CCDC3: variants seen among roughly 807,000 people sequenced by gnomAD.
CCDC3 encodes the protein coiled-coil domain containing 3.
A neutral mutation model predicts 21.4 loss-of-function variants in CCDC3; 24 were observed. That is an observed-to-expected ratio of 1.12 (90% CI 0.81 to 1.58). CCDC3 has a LOEUF of 1.58. CCDC3 is among the 40% of genes most tolerant of loss of function. The pLI is 0.00. For missense variants in CCDC3, 425 were observed against 360.9 expected, an observed-to-expected ratio of 1.18 and a Z score of -1.44; for synonymous variants, 186 against 166.0, an observed-to-expected ratio of 1.12 and a Z score of -0.93.
At chr10:13,071,404 G>C (rs1447591817) in intron 4 of CCDC3, among the ~76,000 whole-genome samples, 1 of 152,216 alleles carries the variant, frequency 6.6e-6, no homozygotes, top group African/African-American at 2.4e-5. Flanking sequence ...GATAATGGCA[G>C]TTAAAAGACA....
chr10:13,013,243 G>C (rs1836005043), intron 5 of CCDC3, among the ~76,000 whole-genome samples: 1 of 152,162 alleles, frequency 6.6e-6, no homozygotes, highest in African/African-American at 2.4e-5. Context: ...CCATTAAAAA[G>C]AACCAGGACT....
chr10:13,046,658 G>C (rs1674990972), intron 5 of CCDC3, among the ~76,000 whole-genome samples: 1 of 150,534 alleles, frequency 6.6e-6, no homozygotes, highest in Admixed American at 6.7e-5. Flanking sequence ...AGTAAGCTGA[G>C]ACCGGGCCAT....
intron 2 of CCDC3, among the ~76,000 whole-genome samples, chr10:12,987,648 G>C (rs942406843): frequency 9.2e-5 from 14 of 151,998 alleles, no homozygotes; most frequent in African/African-American, 3.4e-4. Flanking sequence ...TTTTCAACTA[G>C]GTATGTTATT....
At chr10:13,037,814 A>T (rs1472795660) in intron 5 of CCDC3, among the ~76,000 whole-genome samples, 1 of 152,090 alleles carries the variant, frequency 6.6e-6, no homozygotes, top group African/African-American at 2.4e-5. Flanking sequence ...TAAAACAAAG[A>T]TTTCCAGAGG....
chr10:12,907,154 G>A (rs1834185789), intron 2 of CCDC3, among the ~76,000 whole-genome samples: 1 of 152,128 alleles, frequency 6.6e-6, no homozygotes, highest in African/African-American at 2.4e-5. Flanking sequence ...GAACACAAGG[G>A]CTCCATCTTT....
At chr10:12,968,897 A>G (rs2131262919) in intron 2 of CCDC3, among the ~76,000 whole-genome samples, 1 of 152,356 alleles carries the variant, frequency 6.6e-6, no homozygotes, top group South Asian at 2.1e-4. Flanking sequence ...GCAAACTATG[A>G]GAGAAAATCA....
intron 5 of CCDC3, among the ~76,000 whole-genome samples, chr10:13,026,152 C>T (rs2131407966): frequency 6.6e-6 from 1 of 152,108 alleles, no homozygotes; most frequent in East Asian, 1.9e-4. Context: ...TGTACTCCAG[C>T]CTGTGTGACA....
At chr10:13,024,118 C>G (rs1007714262) in intron 5 of CCDC3, among the ~76,000 whole-genome samples, 10 of 152,074 alleles carry the variant, frequency 6.6e-5, no homozygotes, top group African/African-American at 2.4e-4. Flanking sequence ...CTTCTTTTTC[C>G]AAGAGAAATG....
intron 2 of CCDC3, among the ~76,000 whole-genome samples, chr10:12,944,944 G>A (rs1298215282): frequency 6.6e-6 from 1 of 152,212 alleles, no homozygotes; most frequent in East Asian, 1.9e-4. Context: ...AAGGATGGAA[G>A]TTCAGGCTGA....
At chr10:13,054,980 T>G (rs1185391833) in intron 4 of CCDC3, among the ~76,000 whole-genome samples, 7 of 152,172 alleles carry the variant, frequency 4.6e-5, no homozygotes, top group Non-Finnish European at 7.3e-5. Context: ...GAGTTATTAT[T>G]TCTTATGATT....
intron 2 of CCDC3, among the ~76,000 whole-genome samples, chr10:12,948,657 T>C (rs1261262262): frequency 1.3e-5 from 2 of 151,246 alleles, no homozygotes; most frequent in African/African-American, 4.9e-5. Flanking sequence ...CTTAAATTAC[T>C]AGAAGCGCTA....
intron 2 of CCDC3, among the ~76,000 whole-genome samples, chr10:12,929,100 A>G (rs1009001117): frequency 6.6e-6 from 1 of 151,994 alleles, no homozygotes; most frequent in Non-Finnish European, 1.5e-5. Context: ...CTCCTCTACT[A>G]AAAATACAAA....
At chr10:12,937,255 T>G (rs1181455475) in intron 2 of CCDC3, among the ~76,000 whole-genome samples, 1 of 152,138 alleles carries the variant, frequency 6.6e-6, no homozygotes, top group Non-Finnish European at 1.5e-5. Flanking sequence ...TTGACTGATC[T>G]AAGAGGAGCT....
chr10:12,988,455 T>C (rs76716195), intron 2 of CCDC3, among the ~76,000 whole-genome samples: 4,363 of 152,266 alleles, frequency 0.029, 95 homozygotes, highest in Non-Finnish European at 0.043. Flanking sequence ...TAAGCGATTC[T>C]GCCTCAGCCT....
chr10:12,964,577 G>T (rs1835231025), intron 2 of CCDC3, among the ~76,000 whole-genome samples: 1 of 152,226 alleles, frequency 6.6e-6, no homozygotes, highest in South Asian at 2.1e-4. Context: ...ACCAAGAGGG[G>T]ACCCAGATCC....
In CCDC3 at chr10:13,072,875, T is replaced by C. The variant is rs796878957; in HGVS notation, c.-270+993A>G. On this transcript the variant is annotated intron_variant, in intron 4 of 6. Coordinates refer to the CCDC3 transcript ENST00000378839. The stretch of plus-strand genomic sequence containing the variant: ...TTTCTTTTCTTTTCTTTCTTTTTTT[T>C]TTTTTTTTTGAGACAGAGTCTCACT... Among the ~76,000 whole-genome samples, 998 of 147,302 alleles carry C rather than the reference T, an allele frequency of 6.8e-3. 51 individuals carry two copies. In the South Asian group the frequency reaches 0.096, roughly 14 times the overall value.
intron 2 of CCDC3, among the ~76,000 whole-genome samples, chr10:12,983,521 A>G: frequency 6.6e-6 from 1 of 151,770 alleles, no homozygotes. Flanking sequence ...CAGTGAGCCA[A>G]GAGTGCACCA....
In CCDC3 at chr10:13,001,473, T is replaced by G. The variant is rs1169425720; in HGVS notation, c.98A>C (p.Glu33Ala). The G allele has an allele frequency of 3.5e-6, 5 of 1,419,340 alleles. No individual in the cohort carries two copies. The Admixed American group carries it at 1.5e-4, about 43-fold the overall frequency. The allele number at this position is 1,419,340 out of a possible 1,614,324, so 87.9% of individuals were successfully genotyped here. A position where few individuals can be genotyped will look rare whatever the true frequency, so the allele number is the denominator to read the frequency against. Reference sequence around the variant, plus strand: ...CTCGGCCAGCTCGGCGCGGCAGCCCTCGCTCAGGGGCCTCCACTCGGAGGG... The same window carrying G: ...CTCGGCCAGCTCGGCGCGGCAGCCCGCGCTCAGGGGCCTCCACTCGGAGGG... Reference protein sequence around the residue: ...QLPSEWRPLSEGCRAELAETI... With the variant: ...QLPSEWRPLSAGCRAELAETI... Residue 33 changes from glutamate to alanine, a missense_variant, in exon 1 of 3, where the codon GAG (glutamate) becomes GCG (alanine). Physicochemically the swap from Glu to Ala is moderately radical, Grantham distance 107. Transcript: ENST00000378825.
chr10:13,036,188 G>A (rs963008339), intron 5 of CCDC3, among the ~76,000 whole-genome samples: 2 of 152,028 alleles, frequency 1.3e-5, no homozygotes, highest in African/African-American at 4.8e-5. Context: ...CTGCCCACCA[G>A]GATGAAGTAA....
Sources: gnomAD v4.1 joint callset for allele counts (sites outside exome capture counted in the v4.1 genomes callset) on GRCh38, gnomAD v4.1.1 for gene constraint, MANE v1.5 for transcripts, NCBI Gene and HGNC (gene_info 2026-07-23, HGNC 2026-07-21) for gene names.